Variants in PIEZO2 observed in about 807,000 individuals in gnomAD.
PIEZO2 encodes the protein piezo type mechanosensitive ion channel component 2, also known as piezo-type mechanosensitive ion channel component 2.
In PIEZO2, 172 loss-of-function variants were observed where a neutral mutation model predicts 337.3. The observed-to-expected ratio is 0.51, with a 90% CI of 0.45 to 0.58. The LOEUF (loss-of-function observed/expected upper bound fraction) is 0.58. Ranked by LOEUF, PIEZO2 falls within the 20% of genes least tolerant of loss-of-function variation. The pLI is 0.00. For synonymous variants in PIEZO2, 1,251 were observed against 1,228.5 expected, an observed-to-expected ratio of 1.02 and a Z score of -0.38; for missense variants, 3,028 against 3,391.3, an observed-to-expected ratio of 0.89 and a Z score of 2.66.
At chr18:11,054,546 T>A (rs1199448867) in intron 2 of PIEZO2, among the ~76,000 whole-genome samples, 1 of 152,214 alleles carries the variant, frequency 6.6e-6, no homozygotes. Flanking sequence ...AGCATATCCT[T>A]GCCATCTTGA....
At chr18:10,974,515 A>T (rs1426894391) in intron 3 of PIEZO2, among the ~76,000 whole-genome samples, 2 of 152,142 alleles carry the variant, frequency 1.3e-5, no homozygotes, top group Non-Finnish European at 2.9e-5. Flanking sequence ...CAGAAACGCT[A>T]ATTTTAGCCC....
intron 34 of PIEZO2, 58 bp downstream of exon 34, chr18:10,736,546 G>A: frequency 2.0e-6 from 3 of 1,532,818 alleles, no homozygotes; most frequent in Admixed American, 2.0e-5. Context: ...TGCAATGAAG[G>A]TCCGTCAATA....
At chr18:11,060,176 G>A (rs1258129131) in intron 2 of PIEZO2, among the ~76,000 whole-genome samples, 2 of 152,292 alleles carry the variant, frequency 1.3e-5, no homozygotes, top group South Asian at 2.1e-4. Context: ...ATAATGAAAT[G>A]AGGGCAGAAA....
At chr18:11,144,244 A>G (rs1466177996) in intron 1 of PIEZO2, among the ~76,000 whole-genome samples, 1 of 152,226 alleles carries the variant, frequency 6.6e-6, no homozygotes, top group Non-Finnish European at 1.5e-5. Context: ...TGTGGATGAA[A>G]TATTTTATTT....
chr18:11,035,134 T>G lies in PIEZO2; in HGVS notation c.160+30993A>C, dbSNP rs948347751. Among the ~76,000 whole-genome samples, 1 of 152,178 alleles carries G rather than the reference T, an allele frequency of 6.6e-6. No individual in the cohort carries two copies. The highest frequency in any genetic ancestry group is 1.5e-5 in the Non-Finnish European group (1 of 68,026). ...AGGGGATGGAGCTGAGGGCTGCTTC[T>G]GACTCCTGAGATGGTTTGGATACTG... On this transcript the variant is annotated intron_variant, in intron 2 of 55. Transcript: ENST00000674853. This position sits in a 1 kb window ranked among gnomAD's most constrained non-coding sequence, Gnocchi z 4.3.
In PIEZO2 at chr18:10,833,807, T is replaced by C. The variant is rs2144557034; in HGVS notation, c.917+21546A>G. Among the ~76,000 whole-genome samples, 1 of 152,350 alleles carries C rather than the reference T, an allele frequency of 6.6e-6. No individual in the cohort carries two copies. Among genetic ancestry groups the C allele is most frequent in the East Asian group, 1.9e-4 (1 of 5,182 alleles). On this transcript the variant is annotated intron_variant, in intron 7 of 55. Transcript: ENST00000674853. This position sits in a 1 kb window ranked among gnomAD's most constrained non-coding sequence, Gnocchi z 4.7. Reference sequence around the variant, plus strand: ...TACAAAAATGCATCTGCAAATCCTTTGTTTAAAAAACGCATTAGGCTGCCC... The same window carrying C: ...TACAAAAATGCATCTGCAAATCCTTCGTTTAAAAAACGCATTAGGCTGCCC...
intron 2 of PIEZO2, among the ~76,000 whole-genome samples, chr18:10,987,130 T>A (rs1195396039): frequency 6.6e-6 from 1 of 152,072 alleles, no homozygotes; most frequent in Admixed American, 6.6e-5. Context: ...ATGCCCATAC[T>A]GCCAAAAGGA....
At chr18:10,756,951 A>T (rs1281426067) in intron 27 of PIEZO2, among the ~76,000 whole-genome samples, 1 of 148,382 alleles carries the variant, frequency 6.7e-6, no homozygotes, top group Non-Finnish European at 1.5e-5. Flanking sequence ...AGGGATGAAG[A>T]GGAGGAATGG....
At position 10,973,066 on chromosome 18, in the gene PIEZO2, T is replaced by C. The variant is rs1193536745; in HGVS notation, c.286+6469A>G. On this transcript the variant is annotated intron_variant, in intron 3 of 55. Transcript: ENST00000674853. The surrounding 1 kb of genome is among the most constrained non-coding windows in gnomAD (Gnocchi z 4.9). ...AAATTTTCTCATATATTAAATAGCA[T>C]AAAAATTGTCATGAAAAATATTTGT... Among the ~76,000 whole-genome samples the C allele has an allele frequency of 1.3e-5, 2 of 152,162 alleles. No individual in the cohort carries two copies. Among genetic ancestry groups the C allele is most frequent in the Admixed American group, 6.5e-5 (1 of 15,286 alleles).
intron 36 of PIEZO2, among the ~76,000 whole-genome samples, chr18:10,729,781 C>T (rs964979319): frequency 6.6e-6 from 1 of 151,996 alleles, no homozygotes; most frequent in African/African-American, 2.4e-5. Context: ...TTATATGCAC[C>T]CATTAAAAAT....
rs1395514663 is a variant in PIEZO2 at position 10,681,621 on chromosome 18, G to A, written c.7779+40C>T. 3.4e-6 allele frequency: 5 copies of A among 1,463,996 alleles called. No individual in the cohort carries two copies. The African/African-American group carries it at 4.2e-5, about 12-fold the overall frequency. 90.7% of individuals were successfully genotyped at this position (1,463,996 alleles called of 1,614,324 possible). On this transcript the variant is annotated intron_variant, in intron 51 of 55. Transcript: ENST00000674853. The stretch of plus-strand genomic sequence containing the variant: ...TGACAATGAGTGAACTTCCCTAGAT[G>A]AGAGGTCTTCACAGAAATCTACTAT...
At chr18:10,809,308 G>A (rs56158310) in intron 7 of PIEZO2, among the ~76,000 whole-genome samples, 21,785 of 117,566 alleles carry the variant, frequency 0.19, 2,063 homozygotes, top group East Asian at 0.44. Flanking sequence ...GTCTCACTCC[G>A]TCGCCAGGCT....
rs552510679 is a variant in PIEZO2, at chr18:11,069,021, C to A, written c.65-2799G>T. On this transcript the variant is annotated intron_variant, in intron 1 of 55. Transcript: ENST00000674853. The surrounding 1 kb of genome is among the most constrained non-coding windows in gnomAD (Gnocchi z 4.9). Reference sequence around the variant, plus strand: ...TAGTAAAAAGTAAGGAGATTGGAATCGGTGATAAAAAGTCTCCCCTCAAAA... The same window carrying A: ...TAGTAAAAAGTAAGGAGATTGGAATAGGTGATAAAAAGTCTCCCCTCAAAA... Among the ~76,000 whole-genome samples the A allele has an allele frequency of 9.9e-5, 15 of 151,936 alleles. No individual in the cohort carries two copies. In the South Asian group the frequency reaches 2.7e-3, roughly 27 times the overall value.
rs150816672 is a variant in PIEZO2, at chr18:11,070,549, T to C, written c.65-4327A>G. 1.9e-3 allele frequency among the ~76,000 whole-genome samples: 292 copies of C among 152,184 alleles called. 1 individual carries two copies. The highest frequency in any genetic ancestry group is 6.8e-3 in the African/African-American group (282 of 41,540). On this transcript the variant is annotated intron_variant, in intron 1 of 55. Coordinates refer to ENST00000674853, the MANE Select transcript of PIEZO2 (RefSeq NM_001378183.1). The surrounding 1 kb of genome is among the most constrained non-coding windows in gnomAD (Gnocchi z 4.3). ...AAGCAGCAGAAAAATTCGAGACGGATATGAGAAAAACCAGGAAAGCCTAGC... is the reference window on the plus strand; with the variant it reads ...AAGCAGCAGAAAAATTCGAGACGGACATGAGAAAAACCAGGAAAGCCTAGC...
At chr18:10,946,471 TCTC>T (rs551132326) in intron 3 of PIEZO2, among the ~76,000 whole-genome samples, 187 of 152,280 alleles carry the variant, frequency 1.2e-3, no homozygotes, top group Non-Finnish European at 1.9e-3. Flanking sequence ...GGCCTCCACT[TCTC>T]CTCTCCCTGG....
intron 2 of PIEZO2, among the ~76,000 whole-genome samples, chr18:11,061,696 C>G (rs982416102): frequency 2.0e-5 from 3 of 152,070 alleles, no homozygotes. Context: ...ATCCAACTTA[C>G]AAGGGACGTG....
chr18:11,134,361 T>G (rs2040422946), intron 1 of PIEZO2, among the ~76,000 whole-genome samples: 1 of 152,160 alleles, frequency 6.6e-6, no homozygotes, highest in African/African-American at 2.4e-5. Context: ...ACTTTGTTTT[T>G]CTAAAATAAA....
intron 3 of PIEZO2, among the ~76,000 whole-genome samples, chr18:10,937,909 T>A (rs760180912): frequency 1.3e-5 from 2 of 152,224 alleles, no homozygotes; most frequent in Admixed American, 6.5e-5. Flanking sequence ...AAAACTGCTA[T>A]AATTCAACCA....
chr18:10,947,728 T>C (rs2033099978), intron 3 of PIEZO2, among the ~76,000 whole-genome samples: 1 of 152,184 alleles, frequency 6.6e-6, no homozygotes, highest in African/African-American at 2.4e-5. Flanking sequence ...TAAGTAAATC[T>C]CTTTGAAAGA....
Sources: gnomAD v4.1 joint callset for allele counts (sites outside exome capture counted in the v4.1 genomes callset) on GRCh38, gnomAD v4.1.1 for gene constraint, Gnocchi (gnomAD v3.1) non-coding constraint, MANE v1.5 for transcripts, NCBI Gene and HGNC (gene_info 2026-07-23, HGNC 2026-07-21) for gene names.